The following DPYSL2 variants were observed in gnomAD, a reference collection of about 807,000 sequenced individuals.
The protein encoded by DPYSL2 is dihydropyrimidinase-related protein 2.
A neutral mutation model predicts 69.9 loss-of-function variants in DPYSL2; 13 were observed. The observed-to-expected ratio is 0.19, with a 90% CI of 0.12 to 0.30. The LOEUF is 0.30. DPYSL2 is among the 10% of genes least tolerant of loss of function. The probability of loss-of-function intolerance (pLI) is 1.00; values close to 1 mark genes in which losing one functional copy is unlikely to be tolerated. For missense variants in DPYSL2, 587 were observed against 918.9 expected, an observed-to-expected ratio of 0.64 and a Z score of 4.67; for synonymous variants, 326 against 359.1, an observed-to-expected ratio of 0.91 and a Z score of 1.04.
At position 26,615,860 on chromosome 8, in the gene DPYSL2, C is replaced by G. The variant is rs574578032; in HGVS notation, c.629-8283C>G. On this transcript the variant is annotated intron_variant, in intron 3 of 13. Transcript: ENST00000521913. Reference sequence around the variant, plus strand: ...TTGCGGGAGAAACAGTATATTTGTACAAGGCAAGTAGTTCACCCTGTAAGG... The same window carrying G: ...TTGCGGGAGAAACAGTATATTTGTAGAAGGCAAGTAGTTCACCCTGTAAGG... 1.2e-3 allele frequency among the ~76,000 whole-genome samples: 178 copies of G among 152,266 alleles called. 1 individual carries two copies. Among genetic ancestry groups the G allele is most frequent in the African/African-American group, 4.1e-3 (172 of 41,542 alleles).
At chr8:26,595,944 C>T (rs981586525) in intron 3 of DPYSL2, among the ~76,000 whole-genome samples, 3 of 151,854 alleles carry the variant, frequency 2.0e-5, no homozygotes, top group South Asian at 2.1e-4. Flanking sequence ...TGCCTTTTTG[C>T]TTCAGCTGGG....
In DPYSL2 at chr8:26,562,087, T is replaced by C. The variant is rs1801080030; in HGVS notation, c.355-19882T>C. On this transcript the variant is annotated intron_variant, in intron 1 of 13. Transcript: ENST00000521913. This position sits in a 1 kb window ranked among gnomAD's most constrained non-coding sequence, Gnocchi z 4.9. ...GAGTTCACACTTGATAGTTTTCTCC[T>C]ACTTACTCCACATCCAATCTATTAG... Among the ~76,000 whole-genome samples, 1 of 152,236 alleles carries C rather than the reference T, an allele frequency of 6.6e-6. No individual in the cohort carries two copies. Among genetic ancestry groups the C allele is most frequent in the African/African-American group, 2.4e-5 (1 of 41,468 alleles).
chr8:26,629,248 A>G (rs1227033043), intron 7 of DPYSL2, among the ~76,000 whole-genome samples: 1 of 152,132 alleles, frequency 6.6e-6, no homozygotes, highest in Non-Finnish European at 1.5e-5. Context: ...ACACATGCAT[A>G]CACATAGTAA....
chr8:26,596,049 G>T (rs182557093), intron 3 of DPYSL2, among the ~76,000 whole-genome samples: 1 of 152,148 alleles, frequency 6.6e-6, no homozygotes, highest in East Asian at 1.9e-4. Context: ...AGGTAGGATG[G>T]GTCCATCCTT....
Position 26,591,359 on chromosome 8 carries a change from G to C in DPYSL2, c.628+7376G>C, listed in dbSNP as rs1385225407. On this transcript the variant is annotated intron_variant, in intron 3 of 13. Transcript: ENST00000521913. The surrounding 1 kb of genome is among the most constrained non-coding windows in gnomAD (Gnocchi z 5.8). Reference sequence around the variant, plus strand: ...TGTGAGGGTCAGGCATTCAGTGGTCGGGTCTCAGGGTTCCTTATTGCTAGA... The same window carrying C: ...TGTGAGGGTCAGGCATTCAGTGGTCCGGTCTCAGGGTTCCTTATTGCTAGA... Among the ~76,000 whole-genome samples, 1 of 152,194 alleles carries C rather than the reference G, an allele frequency of 6.6e-6. No individual in the cohort carries two copies. Among genetic ancestry groups the C allele is most frequent in the African/African-American group, 2.4e-5 (1 of 41,446 alleles).
intron 1 of DPYSL2, among the ~76,000 whole-genome samples, chr8:26,520,005 A>G (rs2117598354): frequency 6.6e-6 from 1 of 152,332 alleles, no homozygotes; most frequent in Non-Finnish European, 1.5e-5. Flanking sequence ...TTGTACTCCC[A>G]TAATTCCCAC....
At chr8:26,583,198 C>G (rs184612899) in intron 2 of DPYSL2, among the ~76,000 whole-genome samples, 168 of 152,314 alleles carry the variant, frequency 1.1e-3, no homozygotes, top group Non-Finnish European at 2.2e-3. Context: ...GGAAATGAAT[C>G]ATGTCTCCCA....
At position 26,586,504 on chromosome 8, in the gene DPYSL2, TCG is replaced by T. The variant is rs756122894; in HGVS notation, c.628+2523_628+2524del. 6.6e-6 allele frequency among the ~76,000 whole-genome samples: 1 copy of T among 152,184 alleles called. No homozygotes were observed. The highest frequency in any genetic ancestry group is 1.5e-5 in the Non-Finnish European group (1 of 68,032). ...GGGTCTGCCTCTTCCCTCCACACGC[TCG>T]CCCCGTGCTTAGGCCCCCACTCTTG... On this transcript the variant is annotated intron_variant, in intron 3 of 13. Transcript: ENST00000521913. This position sits in a 1 kb window ranked among gnomAD's most constrained non-coding sequence, Gnocchi z 4.7.
Position 26,610,215 on chromosome 8 carries a change from C to T in DPYSL2, c.629-13928C>T, listed in dbSNP as rs930875076. On this transcript the variant is annotated intron_variant, in intron 3 of 13. Transcript: ENST00000521913. This position sits in a 1 kb window ranked among gnomAD's most constrained non-coding sequence, Gnocchi z 4.5. ...GACATGAAGTCTGTTAATGCGGGAT[C>T]GTTTGTGTTATCTGCTCTGATAGGT... 3.3e-5 allele frequency among the ~76,000 whole-genome samples: 5 copies of T among 152,136 alleles called. No individual in the cohort carries two copies. Among genetic ancestry groups the T allele is most frequent in the African/African-American group, 7.2e-5 (3 of 41,424 alleles).
Position 26,517,370 on chromosome 8 carries a change from C to T in DPYSL2, c.354+2691C>T, listed in dbSNP as rs1184447228. ...CCAGAAAGCGATGGGTGTGGCTTGACTCGGCATGTCAGATTTTGGCGGAGG... is the reference window on the plus strand; with the variant it reads ...CCAGAAAGCGATGGGTGTGGCTTGATTCGGCATGTCAGATTTTGGCGGAGG... On this transcript the variant is annotated intron_variant, in intron 1 of 13. Coordinates refer to ENST00000521913, the MANE Select transcript of DPYSL2 (RefSeq NM_001197293.3). This position sits in a 1 kb window ranked among gnomAD's most constrained non-coding sequence, Gnocchi z 4.2. Among the ~76,000 whole-genome samples, 3 of 152,182 alleles carry T rather than the reference C, an allele frequency of 2.0e-5. No individual in the cohort carries two copies. The highest frequency in any genetic ancestry group is 7.2e-5 in the African/African-American group (3 of 41,442).
rs2129999647 is a variant in DPYSL2, at chr8:26,653,364, C to T, written c.1909C>T (p.Arg637Trp). The T allele has an allele frequency of 6.2e-7, 1 of 1,613,998 alleles. No individual in the cohort carries two copies. Among genetic ancestry groups the T allele is most frequent in the Non-Finnish European group, 8.5e-7 (1 of 1,179,960 alleles). Residue 637 changes from arginine (R) to tryptophan (W), a missense_variant, in exon 13 of 14, where the codon CGG becomes TGG. By Grantham distance (101) the Arg-to-Trp change is moderately radical. This residue lies in a region of DPYSL2 where 452 missense variants were observed against 754.3 expected (regional missense o/e 0.60). Transcript: ENST00000521913. The surrounding 1 kb of genome is among the most constrained non-coding windows in gnomAD (Gnocchi z 5.7). ...TGCCAAGCAGCAGGCCCCACCTGTC[C>T]GGAACCTGCACCAGTCTGGATTCAG... The part of the protein sequence containing the change: ...SPAKQQAPPV[R>W]NLHQSGFSLS...
chr8:26,630,801 GGTCCTGCCTGCTACC>G (rs1802754643), intron 7 of DPYSL2, among the ~76,000 whole-genome samples: 1 of 152,116 alleles, frequency 6.6e-6, no homozygotes, highest in African/African-American at 2.4e-5. Flanking sequence ...GAAAGTGCAG[GGTCCTGCCTGCTACC>G]CCAACCCCTC....
rs570057574 is a variant in DPYSL2, at chr8:26,587,296, T to G, written c.628+3313T>G. Among the ~76,000 whole-genome samples the G allele has an allele frequency of 4.9e-4, 74 of 152,278 alleles. No individual in the cohort carries two copies. The highest frequency in any genetic ancestry group is 1.7e-3 in the African/African-American group (72 of 41,562). On this transcript the variant is annotated intron_variant, in intron 3 of 13. Transcript: ENST00000521913. This position sits in a 1 kb window ranked among gnomAD's most constrained non-coding sequence, Gnocchi z 4.2. ...GAAAACTTCACAGGCCCACTGCTGCTTGCTGAAATAAAAAATTGAAGTGAA... is the reference window on the plus strand; with the variant it reads ...GAAAACTTCACAGGCCCACTGCTGCGTGCTGAAATAAAAAATTGAAGTGAA...
At chr8:26,631,751 G>A (rs945278799) in intron 7 of DPYSL2, among the ~76,000 whole-genome samples, 1 of 152,020 alleles carries the variant, frequency 6.6e-6, no homozygotes, top group Non-Finnish European at 1.5e-5. Context: ...CCATATGACA[G>A]CCCAGTGAGG....
Position 26,654,859 on chromosome 8 carries a change from G to A in DPYSL2, c.1943-756G>A, listed in dbSNP as rs1161966657. On this transcript the variant is annotated intron_variant, in intron 13 of 13. Coordinates refer to ENST00000521913, the MANE Select transcript of DPYSL2 (RefSeq NM_001197293.3). The surrounding 1 kb of genome is among the most constrained non-coding windows in gnomAD (Gnocchi z 5.0). ...TATTTTTATTTTTAGAGATATAATA[G>A]TATCTCACTGTGTCACCCAGTACCC... 2.0e-5 allele frequency among the ~76,000 whole-genome samples: 3 copies of A among 151,958 alleles called. No homozygotes were observed. The highest frequency in any genetic ancestry group is 3.9e-4 in the East Asian group (2 of 5,174).
At chr8:26,547,506 A>G (rs1800791689) in intron 1 of DPYSL2, among the ~76,000 whole-genome samples, 4 of 152,252 alleles carry the variant, frequency 2.6e-5, no homozygotes, top group Admixed American at 1.3e-4. Flanking sequence ...GAGACAGAAC[A>G]AGCATCATAA....
At chr8:26,639,488 G>GTAATT (rs1802992834) in intron 8 of DPYSL2, among the ~76,000 whole-genome samples, 4 of 152,260 alleles carry the variant, frequency 2.6e-5, no homozygotes, top group African/African-American at 9.6e-5. Flanking sequence ...TTCAGCCACT[G>GTAATT]CCAGGATGAG....
At chr8:26,570,584 A>C (rs1410840143) in intron 1 of DPYSL2, among the ~76,000 whole-genome samples, 1 of 151,990 alleles carries the variant, frequency 6.6e-6, no homozygotes, top group Non-Finnish European at 1.5e-5. Flanking sequence ...TAAAAATACA[A>C]AAATTAGCCA....
At chr8:26,552,989 T>G (rs1475516858) in intron 1 of DPYSL2, among the ~76,000 whole-genome samples, 2 of 152,154 alleles carry the variant, frequency 1.3e-5, no homozygotes, top group Non-Finnish European at 2.9e-5. Context: ...GCTGATCCCA[T>G]GGACATGAAA....
Sources: gnomAD v4.1 joint callset for allele counts (sites outside exome capture counted in the v4.1 genomes callset) on GRCh38, gnomAD v4.1.1 for gene constraint, gnomAD v4.1.1 regional missense constraint, Gnocchi (gnomAD v3.1) non-coding constraint, MANE v1.5 for transcripts, NCBI Gene and HGNC (gene_info 2026-07-23, HGNC 2026-07-21) for gene names.